Variants in PCYT1B observed in about 807,000 individuals in gnomAD.
PCYT1B encodes choline-phosphate cytidylyltransferase B.
A neutral mutation model predicts 26.4 loss-of-function variants in PCYT1B; 10 were observed. That is an observed-to-expected ratio of 0.38 (90% confidence interval 0.23 to 0.64). The LOEUF is 0.64. Ranked by LOEUF, PCYT1B falls within the 30% of genes least tolerant of loss-of-function variation. PCYT1B has a pLI of 0.56. For synonymous variants in PCYT1B, 131 were observed against 108.4 expected (o/e 1.21, Z -1.29); for missense variants, 161 against 292.7 (o/e 0.55, Z 3.28).
chrX:24,651,149 A>T (rs1012503395), upstream of PCYT1B, among the ~76,000 whole-genome samples: 6 of 110,570 alleles, frequency 5.4e-5, no homozygotes, highest in Non-Finnish European at 9.5e-5. Flanking sequence ...TTTAAAACAA[A>T]TTTTTCTGCC....
chrX:24,643,819 G>A (rs920154068), intron 1 of PCYT1B, among the ~76,000 whole-genome samples: 15 of 111,952 alleles, frequency 1.3e-4, no homozygotes, highest in African/African-American at 4.5e-4. Flanking sequence ...CTAGGAGAAG[G>A]AGCCTGCCCT....
upstream of PCYT1B, among the ~76,000 whole-genome samples, chrX:24,651,472 A>AAAAATATATATAT (rs1555965467): frequency 3.8e-5 from 1 of 26,059 alleles, no homozygotes; most frequent in African/African-American, 2.0e-4. Context: ...AAAAAAAAAA[A>AAAAATATATATAT]ATATATATAT....
intron 1 of PCYT1B, chrX:24,632,312 G>T: frequency 7.3e-6 from 1 of 137,338 alleles, no homozygotes; most frequent in South Asian, 2.3e-4. Flanking sequence ...GTGACCAAGA[G>T]CCAGAAGGAT....
chrX:24,606,771 G>T (rs1285802376), intron 3 of PCYT1B, among the ~76,000 whole-genome samples: 1 of 111,996 alleles, frequency 8.9e-6, no homozygotes, highest in African/African-American at 3.2e-5. Flanking sequence ...GGAGGCTGAG[G>T]CGGGAGAATC....
At chrX:24,571,856 G>C (rs1923839501) in intron 7 of PCYT1B, among the ~76,000 whole-genome samples, 1 of 111,472 alleles carries the variant, frequency 9.0e-6, no homozygotes, top group African/African-American at 3.3e-5. Flanking sequence ...GCTGAGGTGG[G>C]AGGATTGCTT....
intron 1 of PCYT1B, among the ~76,000 whole-genome samples, chrX:24,624,132 G>A (rs1414307343): frequency 9.1e-6 from 1 of 109,953 alleles, no homozygotes; most frequent in Admixed American, 9.7e-5. Context: ...ACCACACCCG[G>A]CTAATTTTTT....
chrX:24,587,970 T>C (rs1234333494), intron 4 of PCYT1B, among the ~76,000 whole-genome samples: 5 of 112,910 alleles, frequency 4.4e-5, no homozygotes, highest in Non-Finnish European at 9.4e-5. Context: ...CCCTCTCTTT[T>C]ACCACTTGCT....
chrX:24,616,967 A>G (rs1248363124), intron 2 of PCYT1B, among the ~76,000 whole-genome samples: 2 of 111,864 alleles, frequency 1.8e-5, no homozygotes, highest in Non-Finnish European at 3.8e-5. Context: ...TTTACCACTT[A>G]CCAATGGTTC....
At position 24,619,040 on chromosome X, in the gene PCYT1B, C is replaced by G. The variant is rs6628025; in HGVS notation, c.162G>C (p.Gln54His). ...PAPFADETNC[Q>H]CQAPHEKLTI... is the part of the protein sequence containing the mutation. ...TCAGTTTTTCATGGGGTGCTTGACA[C>G]TGGCAGTTGGTTTCATCAGCAAATG... is the stretch of plus-strand genomic sequence containing the variant. Residue 54 changes from glutamine to histidine, a missense_variant, in exon 2 of 8, where the codon CAG (glutamine) becomes CAC (histidine). Around this residue, in one of 4 missense-constraint regions of PCYT1B, gnomAD observed 51 missense variants for 51.0 expected, o/e 1.00. Transcript: ENST00000379144. The G allele has an allele frequency of 1.3e-5, 15 of 1,190,031 alleles. No homozygotes were observed. In the Admixed American group the frequency reaches 2.7e-4, roughly 21 times the overall value.
intron 1 of PCYT1B, among the ~76,000 whole-genome samples, chrX:24,668,304 C>T (rs1470190692): frequency 8.9e-6 from 1 of 111,766 alleles, no homozygotes; most frequent in African/African-American, 3.3e-5. Context: ...TCCCCCTCCC[C>T]GCAAGTGAAT....
intron 2 of PCYT1B, among the ~76,000 whole-genome samples, chrX:24,614,574 G>A (rs186654943): frequency 8.9e-6 from 1 of 111,781 alleles, no homozygotes; most frequent in African/African-American, 3.2e-5. Flanking sequence ...TAATCTTGAA[G>A]AGCATTATCA....
chrX:24,558,750 T>C lies in PCYT1B; in HGVS notation c.*3543A>G, dbSNP rs1047832907. On this transcript the variant is annotated 3_prime_UTR_variant, in exon 8 of 8. Transcript: ENST00000379144. Reference sequence around the variant, plus strand: ...CTCTTGAGCCTGGCATTTCTTTGCCTTGGTAAGGTCCTGACACACAGGAGC... The same window carrying C: ...CTCTTGAGCCTGGCATTTCTTTGCCCTGGTAAGGTCCTGACACACAGGAGC... 9.2e-6 allele frequency: 1 copy of C among 109,127 alleles called. No individual in the cohort carries two copies. The highest frequency in any genetic ancestry group is 3.3e-5 in the African/African-American group (1 of 29,963). 9.0% of individuals were successfully genotyped at this position (109,127 alleles called of 1,213,427 possible).
At chrX:24,566,231 T>C (rs1234994276) in intron 7 of PCYT1B, among the ~76,000 whole-genome samples, 1 of 112,174 alleles carries the variant, frequency 8.9e-6, no homozygotes, top group Non-Finnish European at 1.9e-5. Context: ...ATCTTTATTG[T>C]GTATGATGGA....
At chrX:24,596,615 G>A (rs1364711878) in intron 3 of PCYT1B, among the ~76,000 whole-genome samples, 1 of 109,158 alleles carries the variant, frequency 9.2e-6, no homozygotes, top group African/African-American at 3.3e-5. Flanking sequence ...AAAAGTGCTG[G>A]TGTTATAATC....
intron 3 of PCYT1B, among the ~76,000 whole-genome samples, chrX:24,596,428 C>T (rs907306769): frequency 2.0e-4 from 22 of 110,159 alleles, no homozygotes; most frequent in African/African-American, 7.3e-4. Context: ...CCTGTCTCTA[C>T]TTAAAATAGA....
At chrX:24,580,572 A>G (rs1483652025) in intron 5 of PCYT1B, among the ~76,000 whole-genome samples, 1 of 112,134 alleles carries the variant, frequency 8.9e-6, no homozygotes, top group Non-Finnish European at 1.9e-5. Flanking sequence ...ATAAACAAGC[A>G]CAGAGGATGC....
intron 7 of PCYT1B, among the ~76,000 whole-genome samples, chrX:24,570,168 CA>C (rs1483089789): frequency 1.4e-5 from 1 of 73,693 alleles, no homozygotes; most frequent in East Asian, 4.3e-4. Flanking sequence ...GCCTGGGAGA[CA>C]AGAGCAAGGC....
At position 24,562,884 on chromosome X, in the gene PCYT1B, T is replaced by A. The variant is rs1375260104; in HGVS notation, c.898-379A>T. Among the ~76,000 whole-genome samples, 3 of 110,087 alleles carry A rather than the reference T, an allele frequency of 2.7e-5. No individual in the cohort carries two copies. The East Asian group carries it at 8.6e-4, about 31-fold the overall frequency. ...CTGGGATTACAGGTGCCCGCCACCATGCCCGGCTAATTTTGTATTTTTAGT... is the reference window on the plus strand; with the variant it reads ...CTGGGATTACAGGTGCCCGCCACCAAGCCCGGCTAATTTTGTATTTTTAGT... On this transcript the variant is annotated intron_variant, in intron 7 of 7. Transcript: ENST00000379144.
chrX:24,567,636 T>A (rs769021311), intron 7 of PCYT1B, among the ~76,000 whole-genome samples: 4 of 112,284 alleles, frequency 3.6e-5, no homozygotes, highest in Non-Finnish European at 7.5e-5. Flanking sequence ...TTCTCTCCTA[T>A]GAAGTTTTCC....
Sources: allele counts gnomAD v4.1 joint callset (sites outside exome capture counted in the v4.1 genomes callset), GRCh38; gene constraint gnomAD v4.1.1; regional missense constraint gnomAD v4.1.1; transcripts MANE v1.5; gene names NCBI Gene and HGNC (gene_info 2026-07-23, HGNC 2026-07-21).